The following PCDHGA11 variants were observed in gnomAD, a reference collection of about 807,000 sequenced individuals.
PCDHGA11 encodes the protein protocadherin gamma subfamily A, 11.
A neutral mutation model predicts 60.4 loss-of-function variants in PCDHGA11; 39 were observed. The ratio of observed to expected loss-of-function variants is 0.65; its 90% CI spans 0.50 to 0.84. The LOEUF (loss-of-function observed/expected upper bound fraction) is 0.84, where lower values mean the gene tolerates loss of function less well. Ranked by LOEUF, PCDHGA11 falls within the 40% of genes least tolerant of loss-of-function variation. The probability of loss-of-function intolerance (pLI) is 0.00; values close to 1 mark genes in which losing one functional copy is unlikely to be tolerated. For synonymous variants in PCDHGA11, 533 were observed against 510.3 expected (o/e 1.04, Z -0.60); for missense variants, 1,165 against 1,197.7 (o/e 0.97, Z 0.40).
chr5:141,491,564 G>A lies in PCDHGA11; in HGVS notation c.2434-3243G>A, dbSNP rs2099721154. On this transcript the variant is annotated intron_variant, in intron 1 of 3. Coordinates refer to ENST00000398587, the MANE Select transcript of PCDHGA11 (RefSeq NM_018914.3). The surrounding 1 kb of genome is among the most constrained non-coding windows in gnomAD (Gnocchi z 6.9). Reference sequence around the variant, plus strand: ...ACAGACTCGCAGAGCCACTGCTACAGGACGTGCTTTTCACCGGCCTCGGAC... The same window carrying A: ...ACAGACTCGCAGAGCCACTGCTACAAGACGTGCTTTTCACCGGCCTCGGAC... The A allele has an allele frequency of 3.1e-6, 5 of 1,613,878 alleles. No individual in the cohort carries two copies. Among genetic ancestry groups the A allele is most frequent in the Non-Finnish European group, 8.5e-7 (1 of 1,180,042 alleles).
chr5:141,467,993 C>A (rs984508296), intron 1 of PCDHGA11, among the ~76,000 whole-genome samples: 1 of 152,058 alleles, frequency 6.6e-6, no homozygotes, highest in Admixed American at 6.6e-5. Context: ...AACCACAATT[C>A]TTTCTTCCTC....
chr5:141,481,730 G>A (rs778885944), intron 1 of PCDHGA11, among the ~76,000 whole-genome samples: 1 of 151,952 alleles, frequency 6.6e-6, no homozygotes, highest in African/African-American at 2.4e-5. Context: ...GAGGCGGGCG[G>A]ATCACGAGGT....
In PCDHGA11 at chr5:141,477,101, G is replaced by A. The variant is rs770640663; in HGVS notation, c.2434-17706G>A. On this transcript the variant is annotated intron_variant, in intron 1 of 3. Transcript: ENST00000398587. The surrounding 1 kb of genome is among the most constrained non-coding windows in gnomAD (Gnocchi z 4.9). ...TTACATCCAGGCCAAAGACAAGGGC[G>A]CCAATCCCGAAGGAGCACATTGCAA... 2 of 1,614,262 alleles carry A rather than the reference G, an allele frequency of 1.2e-6. No individual in the cohort carries two copies. Among genetic ancestry groups the A allele is most frequent in the East Asian group, 2.2e-5 (1 of 44,884 alleles).
At position 141,477,131 on chromosome 5, in the gene PCDHGA11, TTGG is replaced by T; in HGVS notation, c.2434-17672_2434-17670del. 1 of 1,614,130 alleles carries T rather than the reference TTGG, an allele frequency of 6.2e-7. No individual in the cohort carries two copies. The highest frequency in any genetic ancestry group is 8.5e-7 in the Non-Finnish European group (1 of 1,180,014). On this transcript the variant is annotated intron_variant, in intron 1 of 3. Transcript: ENST00000398587. The surrounding 1 kb of genome is among the most constrained non-coding windows in gnomAD (Gnocchi z 4.9). The stretch of plus-strand genomic sequence containing the variant: ...TCCCGAAGGAGCACATTGCAAAGTG[TTGG>T]TGGAGGTTGTGGATGTGAATGACAA...
chr5:141,498,814 T>G (rs2099785952), intron 2 of PCDHGA11, among the ~76,000 whole-genome samples: 1 of 151,956 alleles, frequency 6.6e-6, no homozygotes. Flanking sequence ...ACACCTGTAG[T>G]CCCAGCTACT....
chr5:141,428,459 A>G (rs1322945046), intron 1 of PCDHGA11: 2 of 350,154 alleles, frequency 5.7e-6, no homozygotes, highest in Non-Finnish European at 1.1e-5. Flanking sequence ...CCCAACTACA[A>G]TGAGGGAACT....
At chr5:141,438,997 C>T (rs2098080665) in intron 1 of PCDHGA11, among the ~76,000 whole-genome samples, 1 of 151,716 alleles carries the variant, frequency 6.6e-6, no homozygotes, top group Admixed American at 6.6e-5. Flanking sequence ...AGGCTAAGGA[C>T]CTGGTTTGTT....
intron 1 of PCDHGA11, among the ~76,000 whole-genome samples, chr5:141,449,588 C>CA (rs768743917): frequency 0.036 from 2,064 of 56,756 alleles, 20 homozygotes; most frequent in Middle Eastern, 0.06. Context: ...GACTCTGTCT[C>CA]AAAAAAAAAA....
rs1193620622 is a variant in PCDHGA11, at chr5:141,512,906, G to A, written c.*1733G>A. On this transcript the variant is annotated 3_prime_UTR_variant, in exon 4 of 4. Coordinates refer to ENST00000398587, the MANE Select transcript of PCDHGA11 (RefSeq NM_018914.3). ...CACCCTCTTCCTGTGTCTCACGCAA[G>A]TTTTATACTCTAATATTTATATGGC... 2.0e-5 allele frequency: 3 copies of A among 152,206 alleles called. No homozygotes were observed. Among genetic ancestry groups the A allele is most frequent in the African/African-American group, 7.2e-5 (3 of 41,438 alleles). The allele number at this position is 152,206 out of a possible 1,614,324, so 9.4% of individuals were successfully genotyped here.
At position 141,485,566 on chromosome 5, in the gene PCDHGA11, C is replaced by T. The variant is rs768144422; in HGVS notation, c.2434-9241C>T. The T allele has an allele frequency of 6.2e-7, 1 of 1,612,926 alleles. No homozygotes were observed. Among genetic ancestry groups the T allele is most frequent in the African/African-American group, 1.3e-5 (1 of 75,016 alleles). ...TCGTAGATGTGAATGATCACGCCCC[C>T]CGTTTTCCGCGGCAGCAGCTGGACT... On this transcript the variant is annotated intron_variant, in intron 1 of 3. Transcript: ENST00000398587. The surrounding 1 kb of genome is among the most constrained non-coding windows in gnomAD (Gnocchi z 5.7).
chr5:141,433,122 G>C (rs1442464320), intron 1 of PCDHGA11: 1 of 1,614,134 alleles, frequency 6.2e-7, no homozygotes, highest in Admixed American at 1.7e-5. Flanking sequence ...TTTGAAAAAA[G>C]CGAGCCCCTT....
At position 141,494,788 on chromosome 5, in the gene PCDHGA11, C is replaced by T. The variant is rs2099756942; in HGVS notation, c.2434-19C>T. The T allele has an allele frequency of 6.2e-7, 1 of 1,614,116 alleles. No homozygotes were observed. The highest frequency in any genetic ancestry group is 8.5e-7 in the Non-Finnish European group (1 of 1,180,000). On this transcript the variant is annotated intron_variant, in intron 1 of 3. Transcript: ENST00000398587. ...CTTCTCACGGGTACTCAGCCCCTTTCCCTCTGTTTTCTCCACAGCAAGCCC... is the reference window on the plus strand; with the variant it reads ...CTTCTCACGGGTACTCAGCCCCTTTTCCTCTGTTTTCTCCACAGCAAGCCC...
rs2099706000 is a variant in PCDHGA11 at position 141,490,911 on chromosome 5, G to A, written c.2434-3896G>A. 1 of 1,613,722 alleles carries A rather than the reference G, an allele frequency of 6.2e-7. No individual in the cohort carries two copies. Among genetic ancestry groups the A allele is most frequent in the Non-Finnish European group, 8.5e-7 (1 of 1,179,746 alleles). Reference sequence around the variant, plus strand: ...CTCTGCATGTGTTTGTCCTAGACGAGAATGATAATGCCCCAGCTGTGCTGC... The same window carrying A: ...CTCTGCATGTGTTTGTCCTAGACGAAAATGATAATGCCCCAGCTGTGCTGC... On this transcript the variant is annotated intron_variant, in intron 1 of 3. Coordinates refer to ENST00000398587, the MANE Select transcript of PCDHGA11 (RefSeq NM_018914.3). This position sits in a 1 kb window ranked among gnomAD's most constrained non-coding sequence, Gnocchi z 5.4.
chr5:141,429,390 A>T (rs556289214), intron 1 of PCDHGA11, among the ~76,000 whole-genome samples: 3,394 of 150,296 alleles, frequency 0.023, 54 homozygotes, highest in South Asian at 0.043. Context: ...TTTTTTTTAA[A>T]AAAAATTGAG....
intron 1 of PCDHGA11, among the ~76,000 whole-genome samples, chr5:141,464,749 T>A (rs1026757405): frequency 6.6e-6 from 1 of 152,216 alleles, no homozygotes; most frequent in African/African-American, 2.4e-5. Context: ...ATCTTTTTGT[T>A]TTTTTAGAGA....
chr5:141,433,571 C>T lies in PCDHGA11; in HGVS notation c.2433+9911C>T, dbSNP rs2097625242. ...TCTTTTCTGGCTGGGCGCGGTGGCT[C>T]ACGCCTGTAATCCCAGTACTTTGGG... On this transcript the variant is annotated intron_variant, in intron 1 of 3. Coordinates refer to ENST00000398587, the MANE Select transcript of PCDHGA11 (RefSeq NM_018914.3). 3.9e-5 allele frequency among the ~76,000 whole-genome samples: 6 copies of T among 152,228 alleles called. No homozygotes were observed. The South Asian group carries it at 1.2e-3, about 32-fold the overall frequency.
At chr5:141,423,977 G>A in intron 1 of PCDHGA11, 4 of 1,121,548 alleles carry the variant, frequency 3.6e-6, no homozygotes, top group Non-Finnish European at 4.4e-6. Context: ...ATCAGTGTAT[G>A]AGGCTCTCAA....
intron 1 of PCDHGA11, among the ~76,000 whole-genome samples, chr5:141,474,114 C>T (rs940809934): frequency 2.6e-5 from 4 of 152,224 alleles, no homozygotes; most frequent in South Asian, 2.1e-4. Context: ...ACAACAACAA[C>T]GAAAATCTCA....
chr5:141,479,731 G>C (rs1176632022), intron 1 of PCDHGA11: 1 of 152,216 alleles, frequency 6.6e-6, no homozygotes, highest in East Asian at 1.9e-4. Context: ...TTTTTCTTAA[G>C]TATATGCACA....
Sources: gnomAD v4.1 joint callset for allele counts (sites outside exome capture counted in the v4.1 genomes callset) on GRCh38, gnomAD v4.1.1 for gene constraint, Gnocchi (gnomAD v3.1) non-coding constraint, MANE v1.5 for transcripts, NCBI Gene and HGNC (gene_info 2026-07-23, HGNC 2026-07-21) for gene names.